MAEA: variants seen among roughly 807,000 people sequenced by gnomAD.
The protein encoded by MAEA is E3 ubiquitin-protein transferase MAEA.
In MAEA, 22 loss-of-function variants were observed where a neutral mutation model predicts 46.2. The observed-to-expected ratio is 0.48, with a 90% CI of 0.34 to 0.68. The LOEUF (loss-of-function observed/expected upper bound fraction) is 0.68. MAEA is among the 30% of genes least tolerant of loss of function. MAEA has a pLI of 0.01. For missense variants in MAEA, 393 were observed against 558.1 expected (o/e 0.70, Z 2.98); for synonymous variants, 246 against 222.6 (o/e 1.11, Z -0.94).
chr4:1,338,063 G>A (rs1713033909), intron 7 of MAEA: 1 of 242,684 alleles, frequency 4.1e-6, no homozygotes, highest in East Asian at 9.3e-5. Flanking sequence ...TGGCGTGCTT[G>A]CCCACTGCCT....
At chr4:1,319,665 A>C (rs201606424) in intron 3 of MAEA, among the ~76,000 whole-genome samples, 78 of 20,342 alleles carry the variant, frequency 3.8e-3, no homozygotes, top group African/African-American at 0.011. Context: ...GAGCCCAGGA[A>C]TTTGAGGCAA....
intron 1 of MAEA, among the ~76,000 whole-genome samples, chr4:1,294,025 T>C (rs1734374992): frequency 6.6e-6 from 1 of 152,246 alleles, no homozygotes; most frequent in Non-Finnish European, 1.5e-5. Context: ...GACACACACA[T>C]TGGGTTGGAC....
chr4:1,333,974 G>A (rs1184428152), intron 6 of MAEA, among the ~76,000 whole-genome samples: 2 of 60,042 alleles, frequency 3.3e-5, no homozygotes, highest in Non-Finnish European at 6.1e-5. Context: ...CCCCATGCCC[G>A]TGTGCTCACC....
At chr4:1,315,994 C>T (rs974934084) in intron 3 of MAEA, among the ~76,000 whole-genome samples, 1 of 149,618 alleles carries the variant, frequency 6.7e-6, no homozygotes, top group Non-Finnish European at 1.5e-5. Flanking sequence ...TGGGACTTAG[C>T]CTTCTGAAGG....
chr4:1,339,038 C>G, intron 8 of MAEA, 36 bp from the exon 9 acceptor site: 1 of 1,485,780 alleles, frequency 6.7e-7, no homozygotes, highest in Non-Finnish European at 9.4e-7. Flanking sequence ...ACGTTGTAGT[C>G]GCTTGCCTTA....
At chr4:1,338,265 G>C (rs1046393901) in intron 7 of MAEA, 157 bp from the exon 8 acceptor site, 34 of 583,060 alleles carry the variant, frequency 5.8e-5, no homozygotes, top group Non-Finnish European at 1.0e-4. Context: ...GCTGTCGAGT[G>C]CAGCACTTCC....
At chr4:1,304,925 T>C (rs531285496) in intron 1 of MAEA, among the ~76,000 whole-genome samples, 1 of 152,340 alleles carries the variant, frequency 6.6e-6, no homozygotes, top group South Asian at 2.1e-4. Context: ...CACGCTATAC[T>C]CTACTGAATG....
intron 1 of MAEA, among the ~76,000 whole-genome samples, chr4:1,308,799 A>G (rs770019448): frequency 6.6e-6 from 1 of 152,204 alleles, no homozygotes; most frequent in Non-Finnish European, 1.5e-5. Context: ...TTAAAAGTGC[A>G]TTCTGGATAG....
At chr4:1,305,659 G>C (rs1356774558) in intron 1 of MAEA, among the ~76,000 whole-genome samples, 1 of 152,172 alleles carries the variant, frequency 6.6e-6, no homozygotes, top group Non-Finnish European at 1.5e-5. Context: ...TCTTGACTTG[G>C]AACTGTTCTT....
intron 7 of MAEA, chr4:1,338,059 G>A (rs1053512982): frequency 8.4e-6 from 2 of 238,880 alleles, no homozygotes; most frequent in African/African-American, 2.2e-5. Context: ...GGGCTGGCGT[G>A]CTTGCCCACT....
At chr4:1,334,414 TG>T (rs915042715) in intron 6 of MAEA, among the ~76,000 whole-genome samples, 1 of 152,086 alleles carries the variant, frequency 6.6e-6, no homozygotes, top group African/African-American at 2.4e-5. Context: ...CTCAGGCGTT[TG>T]GGGCATCTCA....
intron 1 of MAEA, among the ~76,000 whole-genome samples, chr4:1,296,621 C>T (rs1323424947): frequency 8.0e-6 from 1 of 125,492 alleles, no homozygotes; most frequent in Non-Finnish European, 1.6e-5. Flanking sequence ...CTGAGTCTTC[C>T]TCTCGTGAAA....
intron 1 of MAEA, among the ~76,000 whole-genome samples, chr4:1,293,300 G>T (rs1264358182): frequency 6.6e-6 from 1 of 152,118 alleles, no homozygotes; most frequent in Non-Finnish European, 1.5e-5. Flanking sequence ...GCTGAGGCGA[G>T]AGGATCACTT....
intron 5 of MAEA, chr4:1,330,148 C>CCCTTAA: frequency 2.0e-6 from 2 of 985,338 alleles, no homozygotes; most frequent in Non-Finnish European, 2.4e-6. Context: ...TAACTTTTAA[C>CCCTTAA]GCCTTTAATT....
chr4:1,332,953 C>T (rs1010722751), intron 6 of MAEA, 88 bp downstream of exon 6: 96 of 1,004,964 alleles, frequency 9.6e-5, no homozygotes, highest in Middle Eastern at 2.8e-4. Context: ...ACACGTGGGG[C>T]GGGACGTGAG....
chr4:1,309,909 A>G (rs1054267935), intron 1 of MAEA: 2 of 1,284,370 alleles, frequency 1.6e-6, no homozygotes, highest in South Asian at 2.7e-5. Context: ...AAAGTCCAGA[A>G]AGGCCCCGTT....
In MAEA at chr4:1,313,236, G is replaced by C. The variant is rs939695336; in HGVS notation, c.252+1075G>C. Reference sequence around the variant, plus strand: ...GTCAATTCAGATTCTTTCTTGGGGAGGATACCTTCAATATGGGCATAAGAT... The same window carrying C: ...GTCAATTCAGATTCTTTCTTGGGGACGATACCTTCAATATGGGCATAAGAT... On this transcript the variant is annotated intron_variant, in intron 2 of 8. Coordinates refer to ENST00000303400, the MANE Select transcript of MAEA (RefSeq NM_001017405.3). Among the ~76,000 whole-genome samples the C allele has an allele frequency of 3.3e-5, 5 of 152,328 alleles. No individual in the cohort carries two copies. In the East Asian group the frequency reaches 9.6e-4, roughly 29 times the overall value.
At chr4:1,294,190 A>C (rs73069979) in intron 1 of MAEA, among the ~76,000 whole-genome samples, 2 of 152,012 alleles carry the variant, frequency 1.3e-5, no homozygotes, top group African/African-American at 4.8e-5. Context: ...CAGAAGAGCC[A>C]TGGTCTGCCC....
rs76609335 is a variant in MAEA, at chr4:1,316,086, C to T, written c.456+486C>T. ...GCACACATCCTGCTTAGGATTTTCC[C>T]GCCCGATACCTGTACCCCGGGTTTT... is the stretch of plus-strand genomic sequence containing the variant. On this transcript the variant is annotated intron_variant, in intron 3 of 8. Coordinates refer to ENST00000303400, the MANE Select transcript of MAEA (RefSeq NM_001017405.3). Among the ~76,000 whole-genome samples, 69 of 152,130 alleles carry T rather than the reference C, an allele frequency of 4.5e-4. No individual in the cohort carries two copies. The East Asian group carries it at 0.01, about 22-fold the overall frequency.
Sources: allele counts gnomAD v4.1 joint callset (sites outside exome capture counted in the v4.1 genomes callset), GRCh38; gene constraint gnomAD v4.1.1; transcripts MANE v1.5; gene names NCBI Gene and HGNC (gene_info 2026-07-23, HGNC 2026-07-21).